The following STON2 variants were observed in gnomAD, a reference collection of about 807,000 sequenced individuals.
STON2 encodes the protein stonin-2.
STON2 carries 29 observed loss-of-function variants against 65.7 expected under a neutral mutation model. The observed-to-expected ratio is 0.44, with a 90% confidence interval of 0.33 to 0.60. STON2 has a LOEUF of 0.60. Among genes scored for constraint, STON2 ranks in the 20% least tolerant of loss-of-function variants. STON2 has a pLI of 0.03. For synonymous variants in STON2, 404 were observed against 414.2 expected (o/e 0.98, Z 0.30); for missense variants, 1,054 against 1,118.1 (o/e 0.94, Z 0.82).
In STON2 at chr14:81,332,616, G is replaced by A. The variant is rs141527871; in HGVS notation, c.572-8429C>T. On this transcript the variant is annotated intron_variant, in intron 4 of 7. Transcript: ENST00000614646. Reference sequence around the variant, plus strand: ...TCATCTACAACTTTTTGCCATTTCTGTAGAACTAAATTGACAAGCAGACTT... The same window carrying A: ...TCATCTACAACTTTTTGCCATTTCTATAGAACTAAATTGACAAGCAGACTT... Among the ~76,000 whole-genome samples, 263 of 152,252 alleles carry A rather than the reference G, an allele frequency of 1.7e-3. 1 individual carries two copies. Among genetic ancestry groups the A allele is most frequent in the African/African-American group, 6.1e-3 (253 of 41,540 alleles).
rs1566884742 is a variant in STON2, at chr14:81,277,903, G to A, written c.1579C>T (p.Pro527Ser). 1 of 1,614,204 alleles carries A rather than the reference G, an allele frequency of 6.2e-7. No homozygotes were observed. Among genetic ancestry groups the A allele is most frequent in the Admixed American group, 1.7e-5 (1 of 60,018 alleles). Residue 527 changes from proline (P) to serine (S), a missense_variant, in exon 6 of 8, where the codon CCA (proline) becomes TCA (serine). Physicochemically the swap from Pro to Ser is moderately conservative, Grantham distance 74. Transcript: ENST00000614646. ...ATCTCCAGCTTGAACTCACGGAATG[G>A]TTTTTCTAGGCCCTGCTCATAATAC... ...QLYYEQGLEK[P>S]FREFKLEICH...
At chr14:81,315,733 A>G (rs1896595254) in intron 5 of STON2, among the ~76,000 whole-genome samples, 1 of 152,230 alleles carries the variant, frequency 6.6e-6, no homozygotes, top group Non-Finnish European at 1.5e-5. Context: ...TCACTCATTC[A>G]ATACCTACTT....
chr14:81,318,721 G>A (rs1268649642), intron 5 of STON2, among the ~76,000 whole-genome samples: 1 of 152,124 alleles, frequency 6.6e-6, no homozygotes, highest in African/African-American at 2.4e-5. Flanking sequence ...TGTGGTGGCC[G>A]GTGCCTGTAA....
rs754774779 is a variant in STON2 at position 81,278,050 on chromosome 14, G to A, written c.1432C>T (p.Arg478Trp). 54 of 1,614,098 alleles carry A rather than the reference G, an allele frequency of 3.3e-5. No homozygotes were observed. Among genetic ancestry groups the A allele is most frequent in the Admixed American group, 6.7e-5 (4 of 60,012 alleles). The change falls in exon 6 of 8, where the codon CGG (arginine) becomes TGG (tryptophan). Residue 478 changes from arginine (R) to tryptophan (W), a missense_variant. Physicochemically the swap from Arg to Trp is moderately radical, Grantham distance 101. Transcript: ENST00000614646. ...ELDAHPPGSA[R>W]SQPRDGWPMM... ...GGCCACCCGTCACGAGGCTGGGACC[G>A]TGCTGATCCAGGCGGGTGAGCATCT...
At position 81,323,160 on chromosome 14, in the gene STON2, T is replaced by C. The variant is rs537439393; in HGVS notation, c.742+857A>G. ...AGAACAGAGGCAGCAACTTTATTCCTTCACATGTCAGTGCAATCAACGGCT... is the reference window on the plus strand; with the variant it reads ...AGAACAGAGGCAGCAACTTTATTCCCTCACATGTCAGTGCAATCAACGGCT... On this transcript the variant is annotated intron_variant, in intron 5 of 7. Coordinates refer to ENST00000614646, the MANE Select transcript of STON2 (RefSeq NM_001394390.1). Among the ~76,000 whole-genome samples the C allele has an allele frequency of 1.1e-4, 16 of 152,340 alleles. No homozygotes were observed. In the South Asian group the frequency reaches 3.3e-3, roughly 32 times the overall value.
At chr14:81,351,336 C>T (rs766340966) in intron 4 of STON2, among the ~76,000 whole-genome samples, 2 of 152,044 alleles carry the variant, frequency 1.3e-5, no homozygotes, top group Admixed American at 6.6e-5. Context: ...ATGAAAACAT[C>T]ACTATTGCCC....
At chr14:81,369,745 T>C (rs1898902231) in intron 4 of STON2, among the ~76,000 whole-genome samples, 1 of 152,144 alleles carries the variant, frequency 6.6e-6, no homozygotes, top group Non-Finnish European at 1.5e-5. Flanking sequence ...AGTCTGGGTA[T>C]GCATATGGGC....
chr14:81,399,880 T>TA (rs1900515416), intron 1 of STON2, among the ~76,000 whole-genome samples: 1 of 152,076 alleles, frequency 6.6e-6, no homozygotes, highest in African/African-American at 2.4e-5. Flanking sequence ...CTTTTCTTCA[T>TA]AATAAGATCT....
At position 81,410,278 on chromosome 14, in the gene STON2, C is replaced by CAAAAAAAAA. The variant is rs1161157573; in HGVS notation, c.-198-11707_-198-11699dup. Among the ~76,000 whole-genome samples, 64 of 45,802 alleles carry CAAAAAAAAA rather than the reference C, an allele frequency of 1.4e-3. 2 individuals are homozygous for CAAAAAAAAA. The highest frequency in any genetic ancestry group is 2.1e-3 in the Non-Finnish European group (44 of 20,610). The allele number at this position is 45,802 out of a possible 152,430, so 30.0% of individuals were successfully genotyped here. On this transcript the variant is annotated intron_variant, in intron 2 of 8. Transcript: ENST00000553821. Reference sequence around the variant, plus strand: ...GCATGCAGATGAATGTAACTCTAACCAAAAAAAAAAAAAAAAAAAAAAAAA... The same window carrying CAAAAAAAAA: ...GCATGCAGATGAATGTAACTCTAACCAAAAAAAAAAAAAAAAAAAAAAAAAAAAAAAAAA...
At chr14:81,321,487 A>G (rs1896820488) in intron 5 of STON2, among the ~76,000 whole-genome samples, 2 of 152,060 alleles carry the variant, frequency 1.3e-5, no homozygotes, top group Admixed American at 1.3e-4. Context: ...ACTGGTAAGG[A>G]GAAAGTACAT....
At chr14:81,269,632 G>A in intron 7 of STON2, 1 of 985,248 alleles carries the variant, frequency 1.0e-6, no homozygotes, top group Non-Finnish European at 1.2e-6. Flanking sequence ...GTTCCTTTTG[G>A]TAGTTAAATA....
chr14:81,300,040 TA>T (rs1895911678), intron 5 of STON2, among the ~76,000 whole-genome samples: 1 of 152,000 alleles, frequency 6.6e-6, no homozygotes, highest in African/African-American at 2.4e-5. Flanking sequence ...GACTCAAAAC[TA>T]CCAAATTTCA....
chr14:81,422,930 G>A (rs1157493791), intron 2 of STON2, among the ~76,000 whole-genome samples: 1 of 152,002 alleles, frequency 6.6e-6, no homozygotes, highest in Non-Finnish European at 1.5e-5. Context: ...AGCTACTCAA[G>A]AGGCTGAGGT....
intron 5 of STON2, among the ~76,000 whole-genome samples, chr14:81,314,224 G>T (rs1240449562): frequency 6.6e-6 from 1 of 152,242 alleles, no homozygotes; most frequent in African/African-American, 2.4e-5. Context: ...GGTAGGACCA[G>T]ATGTCCAGGC....
intron 2 of STON2, among the ~76,000 whole-genome samples, chr14:81,418,756 C>T (rs1901563244): frequency 6.6e-6 from 1 of 152,116 alleles, no homozygotes; most frequent in South Asian, 2.1e-4. Context: ...CTTTTGTTTC[C>T]ACAAATTTAT....
chr14:81,307,148 T>C (rs1346866197), intron 5 of STON2, among the ~76,000 whole-genome samples: 2 of 152,168 alleles, frequency 1.3e-5, no homozygotes, highest in Non-Finnish European at 2.9e-5. Context: ...CAGGCCAGAA[T>C]TAACAAGAGA....
At chr14:81,330,690 T>A (rs1897180091) in intron 4 of STON2, among the ~76,000 whole-genome samples, 1 of 152,196 alleles carries the variant, frequency 6.6e-6, no homozygotes, top group Non-Finnish European at 1.5e-5. Context: ...GAGCACATGA[T>A]TTAGCACTTA....
chr14:81,271,076 C>T (rs1055787369), intron 6 of STON2, among the ~76,000 whole-genome samples: 4 of 152,266 alleles, frequency 2.6e-5, no homozygotes, highest in South Asian at 2.1e-4. Context: ...ATAACTCCAT[C>T]GGATTCTAGC....
intron 3 of STON2, among the ~76,000 whole-genome samples, chr14:81,379,868 G>A (rs1172046175): frequency 6.6e-6 from 1 of 152,130 alleles, no homozygotes; most frequent in Non-Finnish European, 1.5e-5. Flanking sequence ...AGGCTTAAAT[G>A]TAAAACATGA....
Sources: allele counts gnomAD v4.1 joint callset (sites outside exome capture counted in the v4.1 genomes callset), GRCh38; gene constraint gnomAD v4.1.1; transcripts MANE v1.5; gene names NCBI Gene and HGNC (gene_info 2026-07-23, HGNC 2026-07-21).